The following PCDH15 variants were observed in gnomAD, a reference collection of about 807,000 sequenced individuals.
The protein encoded by PCDH15 is protocadherin related 15, also known as protocadherin-15.
PCDH15 carries 129 observed loss-of-function variants against 178.5 expected under a neutral mutation model. The ratio of observed to expected loss-of-function variants is 0.72; its 90% CI spans 0.63 to 0.84. The LOEUF is 0.84. Among genes scored for constraint, PCDH15 ranks in the 40% least tolerant of loss-of-function variants. The pLI is 0.00. For synonymous variants in PCDH15, 800 were observed against 732.0 expected (o/e 1.09, Z -1.50); for missense variants, 2,230 against 2,099.9 (o/e 1.06, Z -1.21).
intron 13 of PCDH15, among the ~76,000 whole-genome samples, chr10:54,177,798 T>C (rs766572826): frequency 1.3e-4 from 20 of 152,090 alleles, no homozygotes; most frequent in Non-Finnish European, 2.4e-4. Context: ...TAGATGCATG[T>C]TTTTGAGTGT....
intron 20 of PCDH15, among the ~76,000 whole-genome samples, chr10:54,017,204 T>C (rs1006933109): frequency 2.0e-5 from 3 of 152,004 alleles, no homozygotes; most frequent in Admixed American, 2.0e-4. Flanking sequence ...TTTGTATTTT[T>C]AATAGAGGTG....
At chr10:54,173,939 G>A (rs999120770) in intron 13 of PCDH15, among the ~76,000 whole-genome samples, 2 of 152,024 alleles carry the variant, frequency 1.3e-5, no homozygotes, top group Admixed American at 6.5e-5. Flanking sequence ...CCTAAAAGAC[G>A]GAAAGCATAT....
chr10:54,548,455 T>G (rs75056208), intron 2 of PCDH15, among the ~76,000 whole-genome samples: 1 of 148,174 alleles, frequency 6.7e-6, no homozygotes, highest in Non-Finnish European at 1.5e-5. Flanking sequence ...AAGTTAATTA[T>G]ATCCATTTTC....
At chr10:54,139,220 T>C (rs11004091) in intron 14 of PCDH15, among the ~76,000 whole-genome samples, 2,344 of 152,186 alleles carry the variant, frequency 0.015, 75 homozygotes, top group African/African-American at 0.054. Context: ...ATGTTGTTAG[T>C]TGATTCTTGT....
chr10:55,307,929 AT>A (rs1412613746), intron 1 of PCDH15, among the ~76,000 whole-genome samples: 9 of 152,132 alleles, frequency 5.9e-5, no homozygotes, highest in Admixed American at 5.9e-4. Flanking sequence ...CTCTTTTTGA[AT>A]AAAAATAATT....
At chr10:54,939,211 T>TA (rs1362463791) in intron 2 of PCDH15, among the ~76,000 whole-genome samples, 1 of 151,942 alleles carries the variant, frequency 6.6e-6, no homozygotes, top group Non-Finnish European at 1.5e-5. Flanking sequence ...AAAAGTGATG[T>TA]AGGCCGGGCG....
chr10:55,170,839 A>C (rs903816797), intron 1 of PCDH15, among the ~76,000 whole-genome samples: 1 of 152,052 alleles, frequency 6.6e-6, no homozygotes, highest in Non-Finnish European at 1.5e-5. Flanking sequence ...CCAAGATCGC[A>C]CCATTGCACT....
intron 1 of PCDH15, among the ~76,000 whole-genome samples, chr10:55,205,105 T>C (rs1840360014): frequency 6.6e-6 from 1 of 152,042 alleles, no homozygotes. Flanking sequence ...TATGCAATTA[T>C]AAGAAGTATA....
At chr10:54,069,303 A>T (rs12255282) in intron 17 of PCDH15, among the ~76,000 whole-genome samples, 2 of 152,034 alleles carry the variant, frequency 1.3e-5, no homozygotes, top group Non-Finnish European at 2.9e-5. Context: ...TTTAAAATTT[A>T]TATTCATGTT....
chr10:55,072,941 A>C (rs935236690), intron 2 of PCDH15, among the ~76,000 whole-genome samples: 37 of 150,850 alleles, frequency 2.5e-4, no homozygotes, highest in African/African-American at 9.1e-4. Flanking sequence ...AGGCTGGTTC[A>C]ATATACGCAA....
In PCDH15 at chr10:53,810,620, G is replaced by T; in HGVS notation, c.4607C>A (p.Pro1536Gln). 1 of 1,613,792 alleles carries T rather than the reference G, an allele frequency of 6.2e-7. No homozygotes were observed. The highest frequency in any genetic ancestry group is 8.5e-7 in the Non-Finnish European group (1 of 1,179,822). ...CTCACCATATTCCTCCTGTCCAGCT[G>T]GTGGTAACAATCGACGGCGACTCCC... The part of the protein sequence containing the change: ...QYGSRRRLLP[P>Q]AGQEEYGEVV... The change falls in exon 37 of 38, where the codon CCA (proline) becomes CAA (glutamine). Residue 1536 changes from proline to glutamine, a missense_variant. By Grantham distance (76) the Pro-to-Gln change is moderately conservative. Coordinates refer to ENST00000644397, the MANE Select transcript of PCDH15 (RefSeq NM_001384140.1).
chr10:55,233,875 C>T (rs886071100), intron 1 of PCDH15, among the ~76,000 whole-genome samples: 2 of 151,928 alleles, frequency 1.3e-5, no homozygotes, highest in African/African-American at 4.8e-5. Context: ...ATACTGTTAT[C>T]CACAATGAGA....
chr10:53,918,587 G>T (rs2083724741), intron 25 of PCDH15, among the ~76,000 whole-genome samples: 1 of 152,114 alleles, frequency 6.6e-6, no homozygotes, highest in Non-Finnish European at 1.5e-5. Context: ...TATTACAAAT[G>T]AATTAAAGGA....
chr10:54,417,564 T>C (rs891975230), intron 3 of PCDH15, among the ~76,000 whole-genome samples: 3 of 152,182 alleles, frequency 2.0e-5, no homozygotes, highest in African/African-American at 7.2e-5. Flanking sequence ...TACTATTTCA[T>C]AGCACTAGCA....
At chr10:54,700,229 A>G (rs2095290964) in intron 1 of PCDH15, among the ~76,000 whole-genome samples, 1 of 152,108 alleles carries the variant, frequency 6.6e-6, no homozygotes, top group Admixed American at 6.6e-5. Context: ...AAGGGCAGCA[A>G]CTTCCAAGAT....
intron 2 of PCDH15, among the ~76,000 whole-genome samples, chr10:55,027,044 A>C (rs983524347): frequency 1.3e-5 from 2 of 151,980 alleles, no homozygotes; most frequent in East Asian, 3.9e-4. Flanking sequence ...ATGGGATAGG[A>C]GTATGTGAAA....
chr10:55,152,163 T>C (rs1591945943), intron 2 of PCDH15, among the ~76,000 whole-genome samples: 1 of 152,112 alleles, frequency 6.6e-6, no homozygotes, highest in Non-Finnish European at 1.5e-5. Flanking sequence ...ATTCAGATGT[T>C]TTTAAAAAGT....
At chr10:55,211,048 T>C (rs1024442724) in intron 1 of PCDH15, among the ~76,000 whole-genome samples, 17 of 152,134 alleles carry the variant, frequency 1.1e-4, no homozygotes, top group Admixed American at 9.2e-4. Context: ...AGAAGATTCC[T>C]CAGGGCAGCT....
At chr10:55,607,656 C>G (rs1843254769) in intron 2 of PCDH15, among the ~76,000 whole-genome samples, 1 of 146,648 alleles carries the variant, frequency 6.8e-6, no homozygotes, top group African/African-American at 2.5e-5. Flanking sequence ...GAACAAAAAA[C>G]CAAACACCGC....
Sources: allele counts gnomAD v4.1 joint callset (sites outside exome capture counted in the v4.1 genomes callset), GRCh38; gene constraint gnomAD v4.1.1; transcripts MANE v1.5; gene names NCBI Gene and HGNC (gene_info 2026-07-23, HGNC 2026-07-21).